The following UTS2 variants were observed in gnomAD, a reference collection of about 807,000 sequenced individuals.
UTS2 encodes the protein urotensin 2, also known as urotensin-2.
Under a neutral mutation model 12.6 loss-of-function variants are expected in UTS2, and 10 were observed. The ratio of observed to expected loss-of-function variants is 0.80; its 90% CI spans 0.49 to 1.35. The LOEUF is 1.35. Ranked by LOEUF, UTS2 falls within the 40% of genes most tolerant of loss-of-function variation. The pLI, the probability that UTS2 is intolerant of heterozygous loss-of-function variation, is 0.00. For missense variants in UTS2, 142 were observed against 143.2 expected, an observed-to-expected ratio of 0.99 and a Z score of 0.04; for synonymous variants, 52 against 50.0, an observed-to-expected ratio of 1.04 and a Z score of -0.17.
upstream of UTS2, among the ~76,000 whole-genome samples, chr1:7,856,827 G>A (rs895799076): frequency 7.2e-5 from 11 of 151,876 alleles, no homozygotes; most frequent in African/African-American, 2.2e-4. Context: ...TTGGGGGGCC[G>A]AGGCAGGTGC....
At chr1:7,854,775 C>T (rs4908486), upstream of UTS2, among the ~76,000 whole-genome samples, 42,051 of 151,956 alleles carry the variant, frequency 0.28, 6,372 homozygotes, top group Non-Finnish European at 0.31. Context: ...ATGCTAAAAA[C>T]GTGAAGTAAT....
chr1:7,870,882 A>G, the UTS2 span, among the ~76,000 whole-genome samples: 2 of 152,268 alleles, frequency 1.3e-5, no homozygotes, highest in Non-Finnish European at 2.9e-5. Flanking sequence ...TCATGAAACC[A>G]TAAACCACAG....
upstream of UTS2, among the ~76,000 whole-genome samples, chr1:7,856,576 G>A (rs1638313981): frequency 2.8e-5 from 1 of 36,070 alleles, no homozygotes; most frequent in Non-Finnish European, 6.6e-5. Context: ...AAAGTGAAGA[G>A]AGTCCCTGGG....
the UTS2 span, among the ~76,000 whole-genome samples, chr1:7,865,900 C>T: frequency 6.6e-6 from 1 of 152,190 alleles, no homozygotes; most frequent in African/African-American, 2.4e-5. Context: ...TGTACCACTG[C>T]ACTCAGCCTA....
the UTS2 span, among the ~76,000 whole-genome samples, chr1:7,910,415 G>A: frequency 6.6e-6 from 1 of 151,976 alleles, no homozygotes; most frequent in Non-Finnish European, 1.5e-5. Flanking sequence ...GCTGCACAGA[G>A]AGGCCAAGAA....
the UTS2 span, among the ~76,000 whole-genome samples, chr1:7,888,329 C>T: frequency 6.6e-6 from 1 of 152,112 alleles, no homozygotes; most frequent in African/African-American, 2.4e-5. Context: ...TTCCTTCCTC[C>T]TCCCCATCCC....
chr1:7,900,139 G>A, the UTS2 span, among the ~76,000 whole-genome samples: 1 of 151,758 alleles, frequency 6.6e-6, no homozygotes, highest in Non-Finnish European at 1.5e-5. Flanking sequence ...GCTCACACCT[G>A]TAATTCCAGC....
rs755409662 is a variant in UTS2, at chr1:7,850,941, T to C, written c.104-19A>G. The C allele has an allele frequency of 1.9e-6, 3 of 1,612,172 alleles. No homozygotes were observed. Among genetic ancestry groups the C allele is most frequent in the Admixed American group, 3.3e-5 (2 of 60,012 alleles). On this transcript the variant is annotated intron_variant, in intron 1 of 3. Transcript: ENST00000361696. Reference sequence around the variant, plus strand: ...TGAGGTGCTACAGAGTAAAAACAGATACTTAGAATTGGGTTCATCCTTCAG... The same window carrying C: ...TGAGGTGCTACAGAGTAAAAACAGACACTTAGAATTGGGTTCATCCTTCAG...
chr1:7,871,940 C>A, the UTS2 span, among the ~76,000 whole-genome samples: 1 of 152,134 alleles, frequency 6.6e-6, no homozygotes, highest in African/African-American at 2.4e-5. Context: ...AATAACCCTA[C>A]AATAGCCTTT....
At chr1:7,909,546 C>CAAAAAAAAAAAAAAAAA in the UTS2 span, among the ~76,000 whole-genome samples, 1 of 104,210 alleles carries the variant, frequency 9.6e-6, no homozygotes, top group Non-Finnish European at 2.0e-5. Flanking sequence ...GACTCTGTCT[C>CAAAAAAAAAAAAAAAAA]AAAAAAAAAA....
At chr1:7,880,629 T>A in the UTS2 span, among the ~76,000 whole-genome samples, 1 of 152,076 alleles carries the variant, frequency 6.6e-6, no homozygotes, top group East Asian at 1.9e-4. Flanking sequence ...ATAGAAAACT[T>A]GAACAGGCCA....
At chr1:7,867,800 C>T in the UTS2 span, among the ~76,000 whole-genome samples, 1 of 152,054 alleles carries the variant, frequency 6.6e-6, no homozygotes, top group African/African-American at 2.4e-5. Flanking sequence ...CGCTTGAACC[C>T]GGGAGGTGGA....
chr1:7,872,688 G>A, the UTS2 span, among the ~76,000 whole-genome samples: 2 of 152,186 alleles, frequency 1.3e-5, no homozygotes, highest in Non-Finnish European at 2.9e-5. Context: ...TGAGGTTTAA[G>A]GAAAGAAACC....
the UTS2 span, among the ~76,000 whole-genome samples, chr1:7,877,268 T>C: frequency 6.6e-6 from 1 of 151,154 alleles, no homozygotes; most frequent in Non-Finnish European, 1.5e-5. Context: ...GAAAAAGAGA[T>C]CTACCAAATG....
At chr1:7,860,239 C>T in the UTS2 span, among the ~76,000 whole-genome samples, 2 of 152,030 alleles carry the variant, frequency 1.3e-5, no homozygotes, top group Non-Finnish European at 1.5e-5. Context: ...ATGGGATGGA[C>T]GGGCTCTTTT....
the UTS2 span, among the ~76,000 whole-genome samples, chr1:7,862,996 T>TTGTAGTGTAGTGTAG: frequency 5.3e-5 from 1 of 18,912 alleles, no homozygotes; most frequent in African/African-American, 1.9e-4. Context: ...TTGTGTTGTA[T>TTGTAGTGTAGTGTAG]TGTATTGTAT....
chr1:7,870,421 T>C, the UTS2 span, among the ~76,000 whole-genome samples: 1 of 152,224 alleles, frequency 6.6e-6, no homozygotes, highest in Middle Eastern at 3.2e-3. Context: ...TTTTCTGTCA[T>C]TGAAGCCTCT....
the UTS2 span, among the ~76,000 whole-genome samples, chr1:7,877,582 T>C: frequency 3.8e-4 from 58 of 152,266 alleles, 1 homozygote; most frequent in African/African-American, 1.3e-3. Context: ...TAATAAAATT[T>C]TCATTGAAAA....
the UTS2 span, among the ~76,000 whole-genome samples, chr1:7,860,457 G>A: frequency 6.6e-6 from 1 of 152,158 alleles, no homozygotes; most frequent in Non-Finnish European, 1.5e-5. Context: ...GAAAGATGCA[G>A]AAGGGCAGGT....
Sources: gnomAD v4.1 joint callset for allele counts (sites outside exome capture counted in the v4.1 genomes callset) on GRCh38, gnomAD v4.1.1 for gene constraint, MANE v1.5 for transcripts, NCBI Gene and HGNC (gene_info 2026-07-23, HGNC 2026-07-21) for gene names.